PPM1L: variants seen among roughly 807,000 people sequenced by gnomAD.
The protein encoded by PPM1L is protein phosphatase, Mg2+/Mn2+ dependent 1L.
Under a neutral mutation model 31.4 loss-of-function variants are expected in PPM1L, and 13 were observed. The observed-to-expected ratio is 0.41, with a 90% confidence interval of 0.27 to 0.66. PPM1L has a LOEUF of 0.66. PPM1L is among the 30% of genes least tolerant of loss of function. PPM1L has a pLI of 0.29. For synonymous variants in PPM1L, 184 were observed against 175.4 expected (o/e 1.05, Z -0.39); for missense variants, 326 against 453.7 (o/e 0.72, Z 2.56).
intron 1 of PPM1L, among the ~76,000 whole-genome samples, chr3:160,838,881 A>T (rs924786399): frequency 6.6e-6 from 1 of 152,310 alleles, no homozygotes; most frequent in Non-Finnish European, 1.5e-5. Flanking sequence ...TGTGTCCCCA[A>T]ATATCATGTA....
At chr3:160,926,718 A>G (rs531728308) in intron 1 of PPM1L, among the ~76,000 whole-genome samples, 174 of 152,308 alleles carry the variant, frequency 1.1e-3, no homozygotes, top group Non-Finnish European at 2.0e-3. Flanking sequence ...TGAATATGCT[A>G]TGCCAGTGGT....
At chr3:160,796,487 T>G (rs1712254337) in intron 1 of PPM1L, among the ~76,000 whole-genome samples, 1 of 152,194 alleles carries the variant, frequency 6.6e-6, no homozygotes. Context: ...TAAGAATCCC[T>G]GAGAAGAATG....
At chr3:160,889,996 C>G (rs767374653) in intron 1 of PPM1L, among the ~76,000 whole-genome samples, 1 of 152,096 alleles carries the variant, frequency 6.6e-6, no homozygotes, top group Non-Finnish European at 1.5e-5. Context: ...GAACATATCT[C>G]AAAATAATAA....
At position 160,922,124 on chromosome 3, in the gene PPM1L, C is replaced by A. The variant is rs188715374; in HGVS notation, c.400-39612C>A. ...AGGAGATCAAGACCATCCTGGCTAA[C>A]ACGGTGAAACCCCATCTCTGCTAAA... On this transcript the variant is annotated intron_variant, in intron 1 of 3. Transcript: ENST00000498165. 6.4e-3 allele frequency among the ~76,000 whole-genome samples: 971 copies of A among 152,204 alleles called. 11 individuals are homozygous for A. The highest frequency in any genetic ancestry group is 0.016 in the African/African-American group (679 of 41,516).
At chr3:161,011,297 T>A (rs1053264400) in intron 2 of PPM1L, among the ~76,000 whole-genome samples, 6 of 152,232 alleles carry the variant, frequency 3.9e-5, no homozygotes, top group Admixed American at 6.5e-5. Flanking sequence ...TTCTTGTTTT[T>A]GTCAGGTTTG....
At chr3:160,870,729 G>A (rs765012827) in intron 1 of PPM1L, 17 of 152,164 alleles carry the variant, frequency 1.1e-4, no homozygotes, top group African/African-American at 1.7e-4. Context: ...GACCTACTGC[G>A]ATCCTTTCAC....
At chr3:160,929,238 G>A (rs1017652976) in intron 1 of PPM1L, among the ~76,000 whole-genome samples, 1 of 152,044 alleles carries the variant, frequency 6.6e-6, no homozygotes, top group African/African-American at 2.4e-5. Context: ...AAACTTGGGT[G>A]GTCCTATGAT....
At chr3:161,021,091 G>A (rs1718223785) in intron 2 of PPM1L, among the ~76,000 whole-genome samples, 1 of 151,438 alleles carries the variant, frequency 6.6e-6, no homozygotes, top group Admixed American at 6.6e-5. Flanking sequence ...TTTCTTCTTT[G>A]GGGTTTAGTT....
At chr3:161,002,888 G>C (rs1244730117) in intron 2 of PPM1L, among the ~76,000 whole-genome samples, 3 of 143,510 alleles carry the variant, frequency 2.1e-5, no homozygotes, top group Non-Finnish European at 4.6e-5. Flanking sequence ...ATTGCTTTTG[G>C]TGTTTTAGAC....
chr3:160,820,244 G>A (rs1211858478), intron 1 of PPM1L, among the ~76,000 whole-genome samples: 1 of 152,032 alleles, frequency 6.6e-6, no homozygotes, highest in Non-Finnish European at 1.5e-5. Context: ...AACTCTTTAT[G>A]TTTAGATAAA....
chr3:160,779,995 A>G (rs906459269), intron 1 of PPM1L, among the ~76,000 whole-genome samples: 1 of 151,962 alleles, frequency 6.6e-6, no homozygotes, highest in Non-Finnish European at 1.5e-5. Context: ...AAAGTGGTGC[A>G]TGGCACATAG....
At chr3:160,876,629 G>A (rs1160857201) in intron 1 of PPM1L, among the ~76,000 whole-genome samples, 4 of 152,280 alleles carry the variant, frequency 2.6e-5, no homozygotes, top group South Asian at 2.1e-4. Flanking sequence ...TTCTACTTTA[G>A]AGGAATTGAT....
chr3:160,822,966 A>G (rs1432680584), intron 1 of PPM1L, among the ~76,000 whole-genome samples: 2 of 152,108 alleles, frequency 1.3e-5, no homozygotes, highest in Non-Finnish European at 1.5e-5. Context: ...ATAAACAAAA[A>G]CCATGAAAGA....
At chr3:160,945,059 A>ATC (rs1715353311) in intron 1 of PPM1L, among the ~76,000 whole-genome samples, 2 of 137,574 alleles carry the variant, frequency 1.5e-5, no homozygotes, top group African/African-American at 5.4e-5. Flanking sequence ...ATATATAACT[A>ATC]TATATAACAT....
intron 1 of PPM1L, among the ~76,000 whole-genome samples, chr3:160,821,763 T>C (rs1016762036): frequency 6.6e-6 from 1 of 152,052 alleles, no homozygotes; most frequent in Non-Finnish European, 1.5e-5. Context: ...TGTGGACTTC[T>C]TTATCTTTAA....
chr3:160,930,156 G>A (rs895379708), intron 1 of PPM1L, among the ~76,000 whole-genome samples: 5 of 152,004 alleles, frequency 3.3e-5, no homozygotes, highest in African/African-American at 1.2e-4. Flanking sequence ...AAAACAGGTC[G>A]CAAAGTGTTT....
chr3:160,926,551 G>T (rs1714598338), intron 1 of PPM1L, among the ~76,000 whole-genome samples: 1 of 152,106 alleles, frequency 6.6e-6, no homozygotes, highest in Non-Finnish European at 1.5e-5. Flanking sequence ...CCCCCTTAAT[G>T]CCTACCCCAT....
chr3:160,829,192 T>C (rs1713441272), intron 1 of PPM1L, among the ~76,000 whole-genome samples: 1 of 150,930 alleles, frequency 6.6e-6, no homozygotes, highest in East Asian at 2.0e-4. Flanking sequence ...TTACCTGGAA[T>C]GCCCTCCTCC....
rs1204503038 is a variant in PPM1L at position 160,944,868 on chromosome 3, G to A, written c.400-16868G>A. ...ATATATAACATATATTATATATAAT[G>A]TTATATATAACATATATATTATATA... On this transcript the variant is annotated intron_variant, in intron 1 of 3. Coordinates refer to ENST00000498165, the MANE Select transcript of PPM1L (RefSeq NM_139245.4). Among the ~76,000 whole-genome samples the A allele has an allele frequency of 3.6e-4, 9 of 24,788 alleles. 1 individual carries two copies. The highest frequency in any genetic ancestry group is 1.0e-3 in the African/African-American group (9 of 8,782). The allele number at this position is 24,788 out of a possible 152,430, so 16.3% of individuals were successfully genotyped here.
Sources: gnomAD v4.1 joint callset for allele counts (sites outside exome capture counted in the v4.1 genomes callset) on GRCh38, gnomAD v4.1.1 for gene constraint, MANE v1.5 for transcripts, NCBI Gene and HGNC (gene_info 2026-07-23, HGNC 2026-07-21) for gene names.